The following SH3TC1 variants were observed in gnomAD, a reference collection of about 807,000 sequenced individuals.
The protein encoded by SH3TC1 is SH3 domain and tetratricopeptide repeat-containing protein 1.
SH3TC1 carries 135 observed loss-of-function variants against 117.3 expected under a neutral mutation model. The ratio of observed to expected loss-of-function variants is 1.15; its 90% CI spans 1.00 to 1.33. The LOEUF is 1.33. Ranked by LOEUF, SH3TC1 falls within the 40% of genes most tolerant of loss-of-function variation. SH3TC1 has a pLI of 0.00. For missense variants in SH3TC1, 2,092 were observed against 1,794.3 expected (o/e 1.17, Z -3.00); for synonymous variants, 898 against 816.9 (o/e 1.10, Z -1.69).
At chr4:8,207,231 T>G (rs1718288592) in intron 2 of SH3TC1, among the ~76,000 whole-genome samples, 1 of 152,222 alleles carries the variant, frequency 6.6e-6, no homozygotes. Context: ...CAGCTACTAT[T>G]TCTTCACGAT....
intron 1 of SH3TC1, among the ~76,000 whole-genome samples, chr4:8,204,383 C>T (rs576853829): frequency 6.6e-6 from 1 of 152,316 alleles, no homozygotes; most frequent in African/African-American, 2.4e-5. Context: ...AATCTTCTCA[C>T]CACACATCAG....
rs867206216 is a variant in SH3TC1, at chr4:8,205,870, C to T, written c.172+504C>T. 1.6e-5 allele frequency: 9 copies of T among 572,928 alleles called. No homozygotes were observed. The highest frequency in any genetic ancestry group is 2.5e-5 in the Non-Finnish European group (8 of 321,376). 35.5% of individuals were successfully genotyped at this position (572,928 alleles called of 1,614,324 possible). ...GAGTGACCTAGGTGATCTCCAGGAT[C>T]CCCTCTTACCCCCATCCTGAGACCC... On this transcript the variant is annotated intron_variant, in intron 2 of 17. Coordinates refer to ENST00000245105, the MANE Select transcript of SH3TC1 (RefSeq NM_018986.5). The surrounding 1 kb of genome is among the most constrained non-coding windows in gnomAD (Gnocchi z 5.4).
chr4:8,233,198 T>G, intron 13 of SH3TC1, 165 bp from the exon 14 acceptor site: 2 of 1,407,676 alleles, frequency 1.4e-6, no homozygotes, highest in Non-Finnish European at 1.8e-6. Context: ...GCCGTGTGTG[T>G]TCAACCCCAC....
chr4:8,224,742 G>A lies in SH3TC1; in HGVS notation c.1244-433G>A, dbSNP rs199861444. The A allele has an allele frequency of 7.0e-4, 119 of 171,114 alleles. 2 individuals are homozygous for A. The South Asian group carries it at 0.014, about 21-fold the overall frequency. The allele number at this position is 171,114 out of a possible 1,614,324, so 10.6% of individuals were successfully genotyped here. ...GAGCAGTGTTGATCCCTGGGCTGTC[G>A]GACTCAGAGCTGCTGCCTGTTCAAT... On this transcript the variant is annotated intron_variant, in intron 10 of 17. Transcript: ENST00000245105.
In SH3TC1 at chr4:8,227,780, A is replaced by G. The variant is rs754397635; in HGVS notation, c.2086A>G (p.Arg696Gly). The G allele has an allele frequency of 1.9e-6, 3 of 1,612,450 alleles. No individual in the cohort carries two copies. Among genetic ancestry groups the G allele is most frequent in the South Asian group, 2.2e-5 (2 of 91,064 alleles). ...CCTAGAGCGGCTGCTGCTTTTGCAC[A>G]GGGACTCGGGAGCCCCAGAGGCCGC... ...PFLERLLLLH[R>G]DSGAPEAAWL... Residue 696 changes from arginine to glycine, a missense_variant, in exon 12 of 18, where the codon AGG becomes GGG. Physicochemically the swap from Arg to Gly is moderately radical, Grantham distance 125 (BLOSUM62 -2). Transcript: ENST00000245105.
rs564281596 is a variant in SH3TC1 at position 8,233,771 on chromosome 4, CTTCCATT to C, written c.3282+259_3282+265del. 5.9e-3 allele frequency among the ~76,000 whole-genome samples: 882 copies of C among 150,084 alleles called. 16 individuals carry two copies. The highest frequency in any genetic ancestry group is 0.02 in the African/African-American group (826 of 40,700). On this transcript the variant is annotated intron_variant, in intron 14 of 17. Coordinates refer to ENST00000245105, the MANE Select transcript of SH3TC1 (RefSeq NM_018986.5). ...TCCATCCATCCATCATCCATCCATCCTTCCATTATCCATCCATTCACCTGTTCGTCCT... is the reference window on the plus strand; with the variant it reads ...TCCATCCATCCATCATCCATCCATCCATCCATCCATTCACCTGTTCGTCCT...
intron 9 of SH3TC1, among the ~76,000 whole-genome samples, chr4:8,221,765 C>A (rs1296478701): frequency 2.0e-5 from 3 of 152,322 alleles, no homozygotes; most frequent in Non-Finnish European, 4.4e-5. Flanking sequence ...ACAGATCTTA[C>A]TCAGATTTTG....
chr4:8,193,473 CT>C (rs1056165623), intron 1 of SH3TC1, among the ~76,000 whole-genome samples: 2 of 152,182 alleles, frequency 1.3e-5, no homozygotes, highest in African/African-American at 2.4e-5. Flanking sequence ...CTTTACGCCC[CT>C]GCTTTGCCTG....
rs1417237436 is a variant in SH3TC1 at position 8,235,550 on chromosome 4, T to A, written c.3400T>A (p.Tyr1134Asn). The stretch of plus-strand genomic sequence containing the variant: ...GGAGCGGGAGAAAGCTGTGTCCTTC[T>A]ACCGGGTGAGCTGGCCTGTGGGCTG... ...AWEREKAVSF[Y>N]RDRALPLAVT... Residue 1134 changes from tyrosine to asparagine, a missense_variant, in exon 15 of 18, where the codon TAC becomes AAC. By Grantham distance (143) the Tyr-to-Asn change is moderately radical. Coordinates refer to ENST00000245105, the MANE Select transcript of SH3TC1 (RefSeq NM_018986.5). 6.3e-7 allele frequency: 1 copy of A among 1,596,480 alleles called. No homozygotes were observed. Among genetic ancestry groups the A allele is most frequent in the Non-Finnish European group, 8.5e-7 (1 of 1,170,388 alleles).
Position 8,183,683 on chromosome 4 carries a change from C to T in SH3TC1, c.-57+1473C>T, listed in dbSNP as rs1263599152. ...GACAGTTCAGAGAGTTCTCGTAAAA[C>T]CCCACCCAGCGGCCTCTATGATTAG... On this transcript the variant is annotated intron_variant, in intron 1 of 16. Transcript: ENST00000508641. The surrounding 1 kb of genome is among the most constrained non-coding windows in gnomAD (Gnocchi z 5.4). Among the ~76,000 whole-genome samples, 7 of 152,182 alleles carry T rather than the reference C, an allele frequency of 4.6e-5. No homozygotes were observed. Among genetic ancestry groups the T allele is most frequent in the Non-Finnish European group, 2.9e-5 (2 of 68,024 alleles).
chr4:8,232,877 G>C (rs899152223), intron 13 of SH3TC1: 12 of 1,228,334 alleles, frequency 9.8e-6, no homozygotes, highest in African/African-American at 1.6e-5. Context: ...CCCTGGACCA[G>C]CAGAGCAGCA....
At chr4:8,234,020 TCATC>T (rs1260602525) in intron 14 of SH3TC1, among the ~76,000 whole-genome samples, 43 of 125,496 alleles carry the variant, frequency 3.4e-4, no homozygotes, top group African/African-American at 1.1e-3. Context: ...TATCCATCCA[TCATC>T]CATCCATCCA....
Position 8,222,929 on chromosome 4 carries a change from G to A in SH3TC1, c.1202G>A (p.Arg401Lys). 6.2e-7 allele frequency: 1 copy of A among 1,613,022 alleles called. No homozygotes were observed. Among genetic ancestry groups the A allele is most frequent in the Non-Finnish European group, 8.5e-7 (1 of 1,179,842 alleles). The stretch of plus-strand genomic sequence containing the variant: ...GAGGAGGATGCCAGGCAGTTGCTGA[G>A]GCGGATGTCGGGCACCGATGTCTGC... Reference protein sequence around the residue: ...FSEEDARQLLRRMSGTDVCSV... With the variant: ...FSEEDARQLLKRMSGTDVCSV... Residue 401 changes from arginine (R) to lysine (K), a missense_variant, in exon 10 of 18, where the codon AGG becomes AAG. Transcript: ENST00000245105.
Position 8,219,375 on chromosome 4 carries a change from G to T in SH3TC1, c.957G>T (p.Ser319=). 1.2e-6 allele frequency: 2 copies of T among 1,606,132 alleles called. No homozygotes were observed. Among genetic ancestry groups the T allele is most frequent in the Non-Finnish European group, 1.7e-6 (2 of 1,174,900 alleles). ...CGGCATTGGCAGACTTCCAGGGCTC[G>T]GGGCCCGAAGAGATGACCTTCCGAG... ...LASALADFQG[S]GPEEMTFRGG... Residue 319 remains serine (S), a synonymous_variant, in exon 9 of 18, where the codon TCG becomes TCT. Transcript: ENST00000245105.
In SH3TC1 at chr4:8,219,548, C is replaced by T. The variant is rs768650848; in HGVS notation, c.1112+18C>T. 49 of 1,503,580 alleles carry T rather than the reference C, an allele frequency of 3.3e-5. No individual in the cohort carries two copies. Among genetic ancestry groups the T allele is most frequent in the Admixed American group, 6.5e-5 (3 of 45,872 alleles). The allele number at this position is 1,503,580 out of a possible 1,614,324, so 93.1% of individuals were successfully genotyped here. A position where few individuals can be genotyped will look rare whatever the true frequency, so the allele number is the denominator to read the frequency against. ...GTGTCCGAGTGAGTGGCTGGAGCCC[C>T]GCCCCTTTCCTGAACCCACCCCCAT... On this transcript the variant is annotated intron_variant, in intron 9 of 17. Transcript: ENST00000245105.
rs1390798904 is a variant in SH3TC1 at position 8,205,030 on chromosome 4, T to C, written c.-28-137T>C. The C allele has an allele frequency of 3.2e-6, 2 of 625,914 alleles. No individual in the cohort carries two copies. Among genetic ancestry groups the C allele is most frequent in the Non-Finnish European group, 2.6e-6 (1 of 387,416 alleles). The allele number at this position is 625,914 out of a possible 1,614,324, so 38.8% of individuals were successfully genotyped here. On this transcript the variant is annotated intron_variant, in intron 1 of 17. Transcript: ENST00000245105. This position sits in a 1 kb window ranked among gnomAD's most constrained non-coding sequence, Gnocchi z 5.4. ...CACCACAACACGGTGCACGGTGCGGTGAGGGGCTCGCTGGATCTGAAAGGT... is the reference window on the plus strand; with the variant it reads ...CACCACAACACGGTGCACGGTGCGGCGAGGGGCTCGCTGGATCTGAAAGGT...
chr4:8,209,916 G>T lies in SH3TC1; in HGVS notation c.247+94G>T. On this transcript the variant is annotated intron_variant, in intron 3 of 17. Transcript: ENST00000245105. The surrounding 1 kb of genome is among the most constrained non-coding windows in gnomAD (Gnocchi z 5.9). ...AGAGTCCAACCCAGGGCTTCTCAAA[G>T]TGTGGCCTCAGACTTCCCACCTTAA... 2.3e-6 allele frequency: 3 copies of T among 1,303,780 alleles called. No homozygotes were observed. The highest frequency in any genetic ancestry group is 4.6e-5 in the Admixed American group (2 of 43,886). The allele number at this position is 1,303,780 out of a possible 1,614,324, so 80.8% of individuals were successfully genotyped here.
chr4:8,213,900 A>G (rs1324515851), intron 4 of SH3TC1, among the ~76,000 whole-genome samples: 14 of 152,048 alleles, frequency 9.2e-5, no homozygotes, highest in Admixed American at 2.6e-4. Context: ...AAAAAAAAAA[A>G]AAAGAAAGAA....
At chr4:8,188,734 C>T (rs1289474645) in intron 1 of SH3TC1, among the ~76,000 whole-genome samples, 1 of 152,202 alleles carries the variant, frequency 6.6e-6, no homozygotes, top group Non-Finnish European at 1.5e-5. Context: ...AAGTGGTGGG[C>T]CACGCCCCTG....
Sources: allele counts gnomAD v4.1 joint callset (sites outside exome capture counted in the v4.1 genomes callset), GRCh38; gene constraint gnomAD v4.1.1; non-coding constraint Gnocchi (gnomAD v3.1); transcripts MANE v1.5; gene names NCBI Gene and HGNC (gene_info 2026-07-23, HGNC 2026-07-21).